TMEM117: variants seen among roughly 807,000 people sequenced by gnomAD.
TMEM117 encodes transmembrane protein 117.
A neutral mutation model predicts 52.4 loss-of-function variants in TMEM117; 27 were observed. The observed-to-expected ratio is 0.51, with a 90% CI of 0.38 to 0.71. The LOEUF is 0.71. Ranked by LOEUF, TMEM117 falls within the 30% of genes least tolerant of loss-of-function variation. The pLI is 0.00. For missense variants in TMEM117, 556 were observed against 630.5 expected (o/e 0.88, Z 1.26); for synonymous variants, 215 against 206.3 (o/e 1.04, Z -0.36).
intron 3 of TMEM117, among the ~76,000 whole-genome samples, chr12:44,053,489 T>C (rs1290518591): frequency 2.0e-5 from 3 of 152,148 alleles, no homozygotes; most frequent in Non-Finnish European, 4.4e-5. Flanking sequence ...TTATCTAGGT[T>C]TCATTTTATG....
chr12:43,829,159 C>T, the TMEM117 span, among the ~76,000 whole-genome samples: 2 of 152,164 alleles, frequency 1.3e-5, no homozygotes, highest in Non-Finnish European at 2.9e-5. Context: ...TATCTAAATT[C>T]TCCTTATCCT....
intron 6 of TMEM117, among the ~76,000 whole-genome samples, chr12:44,330,800 C>A (rs1016530285): frequency 6.6e-6 from 1 of 151,908 alleles, no homozygotes; most frequent in African/African-American, 2.4e-5. Context: ...ACGTTTCCAC[C>A]TCACCAACAT....
Position 43,844,891 on chromosome 12 carries a change from A to G in TMEM117, c.240A>G (p.Leu80=). The G allele has an allele frequency of 6.2e-7, 1 of 1,613,824 alleles. No individual in the cohort carries two copies. The highest frequency in any genetic ancestry group is 8.5e-7 in the Non-Finnish European group (1 of 1,179,966). Residue 80 remains leucine, a synonymous_variant, in exon 2 of 8, where the codon CTA becomes CTG. Coordinates refer to ENST00000266534, the MANE Select transcript of TMEM117 (RefSeq NM_032256.3). ...GGCTACTTGCCATTCTCACAGGACT[A>G]ATAGCTGGCAAATTTCTGTTCCATC... is the stretch of plus-strand genomic sequence containing the variant. ...LLWLLAILTG[L]IAGKFLFHQR... is the part of the protein sequence containing the mutation.
chr12:44,369,950 A>G (rs532605225), intron 6 of TMEM117, among the ~76,000 whole-genome samples: 1 of 152,344 alleles, frequency 6.6e-6, no homozygotes, highest in Admixed American at 6.5e-5. Flanking sequence ...GTCAAAGGAC[A>G]TCTAGGAAGT....
At chr12:44,232,217 G>C (rs1297314452) in intron 5 of TMEM117, among the ~76,000 whole-genome samples, 1 of 151,482 alleles carries the variant, frequency 6.6e-6, no homozygotes, top group East Asian at 1.9e-4. Context: ...AGGTTCTAAA[G>C]TTATTAAGAT....
At chr12:44,393,883 A>G (rs1254583519), downstream of TMEM117, among the ~76,000 whole-genome samples, 1 of 152,176 alleles carries the variant, frequency 6.6e-6, no homozygotes, top group Non-Finnish European at 1.5e-5. Context: ...TAAAACCACA[A>G]CACAGATTTG....
intron 5 of TMEM117, among the ~76,000 whole-genome samples, chr12:44,260,515 T>C (rs1950308375): frequency 6.6e-6 from 1 of 152,176 alleles, no homozygotes; most frequent in East Asian, 1.9e-4. Flanking sequence ...TTTAATCCAT[T>C]GGTAATATCT....
chr12:43,899,771 T>A (rs1323616905), intron 2 of TMEM117, among the ~76,000 whole-genome samples: 3 of 152,220 alleles, frequency 2.0e-5, no homozygotes, highest in African/African-American at 7.2e-5. Context: ...ATTGTCCTCT[T>A]TTGAACTGGC....
chr12:43,951,116 G>C (rs1945214485), intron 3 of TMEM117, among the ~76,000 whole-genome samples: 1 of 152,116 alleles, frequency 6.6e-6, no homozygotes, highest in African/African-American at 2.4e-5. Flanking sequence ...TACCCACCAG[G>C]GTTACTATGC....
At chr12:43,839,065 C>T (rs926989744) in intron 1 of TMEM117, among the ~76,000 whole-genome samples, 1 of 152,162 alleles carries the variant, frequency 6.6e-6, no homozygotes, top group Non-Finnish European at 1.5e-5. Flanking sequence ...GTCACATCTA[C>T]ATCCAATGTA....
chr12:44,175,426 A>T (rs764256087), intron 4 of TMEM117, among the ~76,000 whole-genome samples: 4 of 152,146 alleles, frequency 2.6e-5, no homozygotes, highest in Non-Finnish European at 5.9e-5. Context: ...TTAGAGTGGG[A>T]TGGGAATAAT....
intron 3 of TMEM117, among the ~76,000 whole-genome samples, chr12:43,998,228 A>G (rs1168456739): frequency 6.6e-6 from 1 of 152,240 alleles, no homozygotes; most frequent in Non-Finnish European, 1.5e-5. Context: ...GGAATTCCAG[A>G]AACAAAATCA....
intron 5 of TMEM117, among the ~76,000 whole-genome samples, chr12:44,240,968 A>G (rs1447387047): frequency 6.6e-6 from 1 of 151,952 alleles, no homozygotes; most frequent in Non-Finnish European, 1.5e-5. Flanking sequence ...CTATTGAATC[A>G]TGCATTGGAT....
intron 7 of TMEM117, among the ~76,000 whole-genome samples, chr12:44,383,935 A>G (rs1952054383): frequency 6.6e-6 from 1 of 152,192 alleles, no homozygotes; most frequent in Non-Finnish European, 1.5e-5. Flanking sequence ...CCCAGCATAA[A>G]ACACTAAGAT....
intron 2 of TMEM117, among the ~76,000 whole-genome samples, chr12:43,905,158 A>AAAAT (rs1944365128): frequency 6.7e-6 from 1 of 150,224 alleles, no homozygotes. Flanking sequence ...AAAAAAAAAA[A>AAAAT]TGTTTTTGAG....
At chr12:44,271,606 A>G (rs1950446649) in intron 5 of TMEM117, among the ~76,000 whole-genome samples, 1 of 152,112 alleles carries the variant, frequency 6.6e-6, no homozygotes. Flanking sequence ...TCCACTTAAA[A>G]TTGTTTAAGG....
chr12:43,865,530 C>G (rs2137410888), intron 2 of TMEM117, among the ~76,000 whole-genome samples: 1 of 152,084 alleles, frequency 6.6e-6, no homozygotes, highest in African/African-American at 2.4e-5. Flanking sequence ...AACTCCATCT[C>G]TGCTAAAAAT....
At chr12:44,296,766 C>T (rs546156454) in intron 5 of TMEM117, among the ~76,000 whole-genome samples, 2 of 152,214 alleles carry the variant, frequency 1.3e-5, no homozygotes, top group East Asian at 1.9e-4. Context: ...TCTTTATGGT[C>T]GACAGCTAGG....
At chr12:44,043,903 C>T (rs1482576331) in intron 3 of TMEM117, among the ~76,000 whole-genome samples, 7 of 152,190 alleles carry the variant, frequency 4.6e-5, no homozygotes, top group South Asian at 2.1e-4. Context: ...GATTTGGGCC[C>T]GCTAAGTAGG....
Sources: gnomAD v4.1 joint callset for allele counts (sites outside exome capture counted in the v4.1 genomes callset) on GRCh38, gnomAD v4.1.1 for gene constraint, MANE v1.5 for transcripts, NCBI Gene and HGNC (gene_info 2026-07-23, HGNC 2026-07-21) for gene names.